Variants in GNAL observed in about 807,000 individuals in gnomAD.
GNAL encodes guanine nucleotide-binding protein G(olf) subunit alpha.
A neutral mutation model predicts 55.1 loss-of-function variants in GNAL; 18 were observed. The observed-to-expected ratio is 0.33, with a 90% CI of 0.23 to 0.48. The LOEUF (loss-of-function observed/expected upper bound fraction) is 0.48, where lower values mean the gene tolerates loss of function less well. GNAL is among the 20% of genes least tolerant of loss of function. The pLI is 0.99. For synonymous variants in GNAL, 253 were observed against 237.0 expected, an observed-to-expected ratio of 1.07 and a Z score of -0.62; for missense variants, 412 against 614.1, an observed-to-expected ratio of 0.67 and a Z score of 3.48.
intron 4 of GNAL, among the ~76,000 whole-genome samples, chr18:11,794,286 G>A (rs2034318488): frequency 6.6e-6 from 1 of 152,206 alleles, no homozygotes; most frequent in African/African-American, 2.4e-5. Context: ...CATTAATGTT[G>A]ATAGCAGCAC....
At position 11,753,068 on chromosome 18, in the gene GNAL, TG is replaced by T. The variant is rs5823172; in HGVS notation, c.449+145del. ...GGGGAAAAAATTAGATATTTGCTGT[TG>T]GATTTGGTATATTTAGGCAAATCCT... On this transcript the variant is annotated intron_variant, in intron 2 of 11. Coordinates refer to ENST00000334049, the MANE Select transcript of GNAL (RefSeq NM_182978.4). 167,817 of 592,824 alleles carry T rather than the reference TG, an allele frequency of 0.28. 25,813 individuals are homozygous for T. The highest frequency in any genetic ancestry group is 0.46 in the African/African-American group (24,694 of 53,252). 36.7% of individuals were successfully genotyped at this position (592,824 alleles called of 1,614,324 possible). A position where few individuals can be genotyped will look rare whatever the true frequency, so the allele number is the denominator to read the frequency against.
chr18:11,872,812 A>G (rs1356562678), intron 10 of GNAL, among the ~76,000 whole-genome samples: 1 of 152,154 alleles, frequency 6.6e-6, no homozygotes, highest in Non-Finnish European at 1.5e-5. Flanking sequence ...AGAGTCTGAG[A>G]GAGGAGAGAT....
chr18:11,723,952 C>T (rs1306863022), intron 1 of GNAL, among the ~76,000 whole-genome samples: 2 of 152,178 alleles, frequency 1.3e-5, no homozygotes, highest in Non-Finnish European at 2.9e-5. Flanking sequence ...AGGAACTGGT[C>T]TTTGAAAGGG....
rs374956593 is a variant in GNAL at position 11,830,252 on chromosome 18, A to G, written c.722+5237A>G. Among the ~76,000 whole-genome samples the G allele has an allele frequency of 2.7e-5, 4 of 146,408 alleles. No homozygotes were observed. The East Asian group carries it at 8.1e-4, about 30-fold the overall frequency. The stretch of plus-strand genomic sequence containing the variant: ...TTAAATCTTGGTGTGACAGTAAGTC[A>G]CTGTGTCACCTTGCTCAACAGAATT... On this transcript the variant is annotated intron_variant, in intron 5 of 11. Coordinates refer to ENST00000334049, the MANE Select transcript of GNAL (RefSeq NM_182978.4).
chr18:11,783,798 G>A (rs2033984536), intron 4 of GNAL, among the ~76,000 whole-genome samples: 1 of 152,026 alleles, frequency 6.6e-6, no homozygotes, highest in Non-Finnish European at 1.5e-5. Context: ...TCAAAATCTA[G>A]TGTGTATTTG....
In GNAL at chr18:11,881,166, C is replaced by T. The variant is rs1001400784; in HGVS notation, c.*31C>T. 9.5e-6 allele frequency: 15 copies of T among 1,573,842 alleles called. No homozygotes were observed. The highest frequency in any genetic ancestry group is 7.0e-5 in the East Asian group (3 of 43,106). On this transcript the variant is annotated 3_prime_UTR_variant, in exon 12 of 12. Coordinates refer to ENST00000334049, the MANE Select transcript of GNAL (RefSeq NM_182978.4). The surrounding 1 kb of genome is among the most constrained non-coding windows in gnomAD (Gnocchi z 4.8). ...CTGCCGCCACCCTGCGACGGAGCGG[C>T]GCCCCGGACTGCCTGACTGCCAGCC...
intron 1 of GNAL, among the ~76,000 whole-genome samples, chr18:11,697,798 A>T (rs145772588): frequency 1.3e-3 from 193 of 152,266 alleles, no homozygotes; most frequent in African/African-American, 4.5e-3. Context: ...TTGGAGGGAG[A>T]AGAGAACAGT....
chr18:11,763,345 C>A (rs964571474), intron 4 of GNAL, among the ~76,000 whole-genome samples: 5 of 152,178 alleles, frequency 3.3e-5, no homozygotes, highest in African/African-American at 1.2e-4. Flanking sequence ...AGAATGAGGA[C>A]ATCCACTTCA....
intron 1 of GNAL, among the ~76,000 whole-genome samples, chr18:11,722,614 T>A (rs952571963): frequency 2.0e-5 from 3 of 152,196 alleles, no homozygotes; most frequent in African/African-American, 7.2e-5. Flanking sequence ...CTGACACCTG[T>A]AATCCCAGCA....
intron 11 of GNAL, 26 bp from the exon 12 acceptor site, chr18:11,880,963 G>A (rs746486375): frequency 3.1e-6 from 5 of 1,609,988 alleles, no homozygotes; most frequent in East Asian, 2.2e-5. Flanking sequence ...GCCGCGCAGG[G>A]CTAGTGCACA....
intron 1 of GNAL, among the ~76,000 whole-genome samples, chr18:11,705,280 TC>T (rs2031680979): frequency 6.6e-6 from 1 of 152,216 alleles, no homozygotes; most frequent in African/African-American, 2.4e-5. Context: ...CTGGCTGCAT[TC>T]CCTTCTTTTC....
At chr18:11,766,485 T>C (rs1049017098) in intron 4 of GNAL, among the ~76,000 whole-genome samples, 1 of 152,030 alleles carries the variant, frequency 6.6e-6, no homozygotes, top group Non-Finnish European at 1.5e-5. Context: ...ACCCCCAGAG[T>C]CCCCAGAGAC....
Position 11,752,771 on chromosome 18 carries a change from G to A in GNAL, c.377-82G>A. 1 of 1,156,690 alleles carries A rather than the reference G, an allele frequency of 8.6e-7. No homozygotes were observed. Among genetic ancestry groups the A allele is most frequent in the South Asian group, 1.3e-5 (1 of 79,964 alleles). 71.7% of individuals were successfully genotyped at this position (1,156,690 alleles called of 1,614,324 possible). On this transcript the variant is annotated intron_variant, in intron 1 of 11. Coordinates refer to ENST00000334049, the MANE Select transcript of GNAL (RefSeq NM_182978.4). The surrounding 1 kb of genome is among the most constrained non-coding windows in gnomAD (Gnocchi z 4.5). ...AGGAAATCCCCGTGCTGGGGGAGGA[G>A]GATTGCTCAGACCCGGCTAGTGGTG... is the stretch of plus-strand genomic sequence containing the variant.
chr18:11,857,438 T>G, intron 5 of GNAL: 1 of 974,944 alleles, frequency 1.0e-6, no homozygotes, highest in South Asian at 4.7e-5. Flanking sequence ...TCACGTGATG[T>G]TAAAAGAGAC....
At position 11,751,771 on chromosome 18, in the gene GNAL, G is replaced by C; in HGVS notation, c.377-1082G>C. 9 of 547,746 alleles carry C rather than the reference G, an allele frequency of 1.6e-5. No homozygotes were observed. Among genetic ancestry groups the C allele is most frequent in the Non-Finnish European group, 2.1e-5 (9 of 429,456 alleles). The allele number at this position is 547,746 out of a possible 1,614,324, so 33.9% of individuals were successfully genotyped here. A position where few individuals can be genotyped will look rare whatever the true frequency, so the allele number is the denominator to read the frequency against. The stretch of plus-strand genomic sequence containing the variant: ...TCCCTGACCCCTACAGCGCGGTAGC[G>C]CCTCTCCGAGAGCTCCGGGACCAGC... On this transcript the variant is annotated intron_variant, in intron 1 of 11. Coordinates refer to ENST00000334049, the MANE Select transcript of GNAL (RefSeq NM_182978.4). The surrounding 1 kb of genome is among the most constrained non-coding windows in gnomAD (Gnocchi z 4.5).
chr18:11,718,733 C>A (rs577289515), intron 1 of GNAL, among the ~76,000 whole-genome samples: 2 of 152,270 alleles, frequency 1.3e-5, no homozygotes, highest in African/African-American at 2.4e-5. Context: ...AACAATTGCC[C>A]TAATAAACCA....
chr18:11,702,688 C>T (rs1423690161), intron 1 of GNAL, among the ~76,000 whole-genome samples: 1 of 152,026 alleles, frequency 6.6e-6, no homozygotes, highest in Non-Finnish European at 1.5e-5. Context: ...ACAAAGGTAT[C>T]AACCAGCCAT....
intron 1 of GNAL, among the ~76,000 whole-genome samples, chr18:11,691,839 G>A (rs552066741): frequency 7.9e-5 from 12 of 152,264 alleles, no homozygotes; most frequent in Non-Finnish European, 1.3e-4. Context: ...AAAGGGTGGC[G>A]GGCCGCAGTG....
Position 11,751,672 on chromosome 18 carries a change from G to A in GNAL, c.377-1181G>A. ...AGCCAGGCGGCCGCGGCGCAGCGGA[G>A]GGGCTGCGGGCCCGGAACCCAGGCC... On this transcript the variant is annotated intron_variant, in intron 1 of 11. Coordinates refer to ENST00000334049, the MANE Select transcript of GNAL (RefSeq NM_182978.4). This position sits in a 1 kb window ranked among gnomAD's most constrained non-coding sequence, Gnocchi z 4.5. 1 of 985,288 alleles carries A rather than the reference G, an allele frequency of 1.0e-6. No individual in the cohort carries two copies. Among genetic ancestry groups the A allele is most frequent in the Non-Finnish European group, 1.2e-6 (1 of 829,820 alleles). 61.0% of individuals were successfully genotyped at this position (985,288 alleles called of 1,614,324 possible).
Sources: allele counts gnomAD v4.1 joint callset (sites outside exome capture counted in the v4.1 genomes callset), GRCh38; gene constraint gnomAD v4.1.1; non-coding constraint Gnocchi (gnomAD v3.1); transcripts MANE v1.5; gene names NCBI Gene and HGNC (gene_info 2026-07-23, HGNC 2026-07-21).